DACH2: variants seen among roughly 807,000 people sequenced by gnomAD.
The protein encoded by DACH2 is dachshund homolog 2.
DACH2 carries 17 observed loss-of-function variants against 35.8 expected under a neutral mutation model. That is an observed-to-expected ratio of 0.48 (90% CI 0.33 to 0.71). The LOEUF (loss-of-function observed/expected upper bound fraction) is 0.71, where lower values mean the gene tolerates loss of function less well. DACH2 is among the 30% of genes least tolerant of loss of function. DACH2 has a pLI of 0.02. For missense variants in DACH2, 469 were observed against 472.7 expected, an observed-to-expected ratio of 0.99 and a Z score of 0.07; for synonymous variants, 195 against 177.3, an observed-to-expected ratio of 1.10 and a Z score of -0.79.
chrX:86,827,127 T>C (rs1397743029), intron 11 of DACH2, among the ~76,000 whole-genome samples: 1 of 111,918 alleles, frequency 8.9e-6, no homozygotes, highest in Non-Finnish European at 1.9e-5. Context: ...ATGCATTTTA[T>C]TGTAAATATA....
intron 3 of DACH2, among the ~76,000 whole-genome samples, chrX:86,541,048 G>A (rs755038248): frequency 1.8e-5 from 2 of 111,558 alleles, no homozygotes; most frequent in Non-Finnish European, 3.8e-5. Flanking sequence ...CAAAAATGTG[G>A]GTTCTAATAT....
chrX:86,322,225 A>G (rs1326759432), intron 1 of DACH2, among the ~76,000 whole-genome samples: 2 of 111,488 alleles, frequency 1.8e-5, no homozygotes, highest in Non-Finnish European at 3.8e-5. Flanking sequence ...TTCATTCCCA[A>G]GATGGTAAGA....
chrX:86,773,491 A>G (rs1465393393), intron 7 of DACH2, among the ~76,000 whole-genome samples: 1 of 112,169 alleles, frequency 8.9e-6, no homozygotes, highest in Non-Finnish European at 1.9e-5. Flanking sequence ...TTGGCTAAGT[A>G]TATTTTATTA....
intron 1 of DACH2, among the ~76,000 whole-genome samples, chrX:86,367,603 G>A (rs904962931): frequency 3.6e-5 from 4 of 110,958 alleles, no homozygotes; most frequent in African/African-American, 1.3e-4. Flanking sequence ...ATTCAACCTT[G>A]GTTTTACAGA....
intron 4 of DACH2, among the ~76,000 whole-genome samples, chrX:86,686,275 C>T (rs1251371882): frequency 2.7e-5 from 3 of 110,704 alleles, no homozygotes; most frequent in Non-Finnish European, 5.7e-5. Context: ...ACTCTGTCGC[C>T]AGGCTGGAGT....
At chrX:86,646,903 C>A (rs1337760062) in intron 3 of DACH2, among the ~76,000 whole-genome samples, 1 of 108,179 alleles carries the variant, frequency 9.2e-6, no homozygotes, top group Admixed American at 1.0e-4. Flanking sequence ...TACAAATGAC[C>A]AACAGGTATA....
chrX:86,403,641 A>T (rs2148134805), intron 2 of DACH2, among the ~76,000 whole-genome samples: 1 of 112,300 alleles, frequency 8.9e-6, no homozygotes, highest in Admixed American at 9.4e-5. Flanking sequence ...GAGATTTCTC[A>T]AAGAATTTAA....
At chrX:86,215,022 T>C (rs923135945) in intron 1 of DACH2, among the ~76,000 whole-genome samples, 14 of 111,728 alleles carry the variant, frequency 1.3e-4, no homozygotes, top group Non-Finnish European at 2.5e-4. Context: ...GTTTCCTTTC[T>C]CTCTCCCCTT....
intron 1 of DACH2, among the ~76,000 whole-genome samples, chrX:86,168,511 C>G (rs895234225): frequency 2.7e-5 from 3 of 110,383 alleles, no homozygotes; most frequent in Non-Finnish European, 5.7e-5. Flanking sequence ...GTGTTTTGAT[C>G]AGAGAGTTTA....
At chrX:86,514,240 A>G (rs1453159912) in intron 2 of DACH2, 39 bp from the exon 3 acceptor site, 3 of 1,126,116 alleles carry the variant, frequency 2.7e-6, no homozygotes, top group Non-Finnish European at 3.6e-6. Flanking sequence ...AAAAGAGTAC[A>G]TTTTTAACCT....
intron 2 of DACH2, among the ~76,000 whole-genome samples, chrX:86,498,825 G>A (rs955129426): frequency 9.0e-6 from 1 of 111,702 alleles, no homozygotes; most frequent in African/African-American, 3.3e-5. Context: ...CTGTTGAATA[G>A]CATTTCTCTC....
chrX:86,585,486 A>T (rs1185241383), intron 3 of DACH2, among the ~76,000 whole-genome samples: 1 of 110,443 alleles, frequency 9.1e-6, no homozygotes, highest in African/African-American at 3.3e-5. Flanking sequence ...TATATAGATT[A>T]TTTCCTCACC....
Position 86,698,519 on chromosome X carries a change from GTGTTT to G in DACH2, c.931+3342_931+3346del, listed in dbSNP as rs1170511292. Among the ~76,000 whole-genome samples the G allele has an allele frequency of 1.2e-4, 4 of 32,085 alleles. 1 individual carries two copies. Among genetic ancestry groups the G allele is most frequent in the Admixed American group, 8.1e-4 (2 of 2,468 alleles). 27.9% of individuals were successfully genotyped at this position (32,085 alleles called of 115,157 possible). A position where few individuals can be genotyped will look rare whatever the true frequency, so the allele number is the denominator to read the frequency against. ...TTCTTCTTTTTGTTTTGTTAGTTTT[GTGTTT>G]TTTTTTTTTTTTTTTTTTTTTTTTA... On this transcript the variant is annotated intron_variant, in intron 5 of 11. Coordinates refer to ENST00000373125, the MANE Select transcript of DACH2 (RefSeq NM_053281.3).
intron 1 of DACH2, among the ~76,000 whole-genome samples, chrX:86,234,197 C>G (rs1489474374): frequency 8.9e-6 from 1 of 111,771 alleles, no homozygotes; most frequent in Admixed American, 9.5e-5. Context: ...CACATTGCCC[C>G]CTTTGAAACC....
chrX:86,519,363 TG>T (rs1252807508), intron 3 of DACH2, among the ~76,000 whole-genome samples: 1 of 112,231 alleles, frequency 8.9e-6, no homozygotes. Context: ...TTTTCTTTTT[TG>T]TTGTGTCTCT....
chrX:86,405,055 G>T (rs774451246), intron 2 of DACH2, among the ~76,000 whole-genome samples: 1 of 111,555 alleles, frequency 9.0e-6, no homozygotes, highest in South Asian at 3.8e-4. Context: ...TCCCAAGGCT[G>T]CACATGGCAG....
At chrX:86,585,771 C>A (rs1193855397) in intron 3 of DACH2, among the ~76,000 whole-genome samples, 1 of 111,257 alleles carries the variant, frequency 9.0e-6, no homozygotes, top group African/African-American at 3.3e-5. Flanking sequence ...GTTTAGTACT[C>A]CATGGTGTAT....
chrX:86,796,497 C>T (rs2042240777), intron 7 of DACH2, among the ~76,000 whole-genome samples: 1 of 111,720 alleles, frequency 9.0e-6, no homozygotes, highest in Non-Finnish European at 1.9e-5. Context: ...GCACTTTATC[C>T]AAATAAATGA....
At chrX:86,171,159 G>T (rs1260958327) in intron 1 of DACH2, among the ~76,000 whole-genome samples, 2 of 111,137 alleles carry the variant, frequency 1.8e-5, no homozygotes. Flanking sequence ...TTCACATGGT[G>T]AATGGTTCCC....
Sources: gnomAD v4.1 joint callset for allele counts (sites outside exome capture counted in the v4.1 genomes callset) on GRCh38, gnomAD v4.1.1 for gene constraint, MANE v1.5 for transcripts, NCBI Gene and HGNC (gene_info 2026-07-23, HGNC 2026-07-21) for gene names.